The following UGGT1 variants were observed in gnomAD, a reference collection of about 807,000 sequenced individuals.
UGGT1 encodes the protein UDP-glucose:glycoprotein glucosyltransferase 1.
A neutral mutation model predicts 203.9 loss-of-function variants in UGGT1; 107 were observed. The observed-to-expected ratio is 0.52, with a 90% CI of 0.45 to 0.62. UGGT1 has a LOEUF of 0.62. UGGT1 is among the 20% of genes least tolerant of loss of function. UGGT1 has a pLI of 0.00. For synonymous variants in UGGT1, 628 were observed against 653.5 expected (o/e 0.96, Z 0.59); for missense variants, 1,673 against 1,867.2 (o/e 0.90, Z 1.92).
chr2:128,163,590 C>T (rs1374972010), intron 25 of UGGT1, among the ~76,000 whole-genome samples: 1 of 152,022 alleles, frequency 6.6e-6, no homozygotes, highest in African/African-American at 2.4e-5. Flanking sequence ...TGGCGGGCGC[C>T]TGTGATCCCA....
At chr2:128,093,313 G>A (rs1033179008) in intron 1 of UGGT1, among the ~76,000 whole-genome samples, 3 of 152,096 alleles carry the variant, frequency 2.0e-5, no homozygotes, top group African/African-American at 7.2e-5. Flanking sequence ...CACTCTTGGT[G>A]CCACACTCCT....
At chr2:128,174,899 A>G (rs1286409789) in intron 31 of UGGT1, 41 bp downstream of exon 31, 3 of 1,553,612 alleles carry the variant, frequency 1.9e-6, no homozygotes, top group Admixed American at 3.6e-5. Flanking sequence ...CAGAACTTTT[A>G]GAAATGAGCA....
chr2:128,097,664 T>C (rs2105333005), intron 2 of UGGT1, 100 bp downstream of exon 2: 2 of 1,444,328 alleles, frequency 1.4e-6, no homozygotes, highest in Non-Finnish European at 9.4e-7. Context: ...TATCATCAAA[T>C]GCATTTATGA....
chr2:128,189,567 CA>C, intron 40 of UGGT1, 149 bp from the exon 41 acceptor site: 2 of 835,466 alleles, frequency 2.4e-6, no homozygotes, highest in Non-Finnish European at 3.7e-6. Flanking sequence ...AAATACAGTA[CA>C]AAAGCACAAA....
rs763635535 is a variant in UGGT1, at chr2:128,164,605, C to T, written c.2826-125C>T. 19 of 736,948 alleles carry T rather than the reference C, an allele frequency of 2.6e-5. 1 individual carries two copies. The highest frequency in any genetic ancestry group is 9.6e-5 in the South Asian group (6 of 62,502). The allele number at this position is 736,948 out of a possible 1,614,324, so 45.7% of individuals were successfully genotyped here. On this transcript the variant is annotated intron_variant, in intron 25 of 40. Coordinates refer to ENST00000259253, the MANE Select transcript of UGGT1 (RefSeq NM_020120.4). ...TCACTCTTTCTCATGCCTATCAGTA[C>T]GGACTTTATACCTTGTTCAAACCAT... is the stretch of plus-strand genomic sequence containing the variant.
chr2:128,166,044 T>C (rs1325512317), intron 26 of UGGT1, among the ~76,000 whole-genome samples: 5 of 152,228 alleles, frequency 3.3e-5, no homozygotes, highest in African/African-American at 1.2e-4. Flanking sequence ...CGAAAACTTT[T>C]GTTTTAAATA....
chr2:128,143,876 A>G (rs1312412408), intron 17 of UGGT1, among the ~76,000 whole-genome samples: 3 of 152,072 alleles, frequency 2.0e-5, no homozygotes, highest in African/African-American at 2.4e-5. Context: ...AAAAAGTCCA[A>G]TGGAATGGAT....
intron 1 of UGGT1, among the ~76,000 whole-genome samples, chr2:128,095,335 G>A (rs1164676980): frequency 2.0e-5 from 3 of 150,782 alleles, no homozygotes; most frequent in Non-Finnish European, 2.9e-5. Context: ...ATTTATAAGT[G>A]GGATGTTCTT....
At chr2:128,185,459 C>T (rs1359853491) in intron 38 of UGGT1, among the ~76,000 whole-genome samples, 37 of 148,148 alleles carry the variant, frequency 2.5e-4, no homozygotes, top group Non-Finnish European at 4.0e-4. Context: ...TGTGAGCCAC[C>T]GTGCCCGGCC....
intron 8 of UGGT1, among the ~76,000 whole-genome samples, chr2:128,118,984 T>G (rs1405011588): frequency 1.3e-5 from 2 of 152,124 alleles, no homozygotes; most frequent in Non-Finnish European, 2.9e-5. Flanking sequence ...TTTTGGTATT[T>G]AAGAGTTTGT....
intron 2 of UGGT1, among the ~76,000 whole-genome samples, chr2:128,103,523 CAT>C (rs1687473522): frequency 6.6e-6 from 1 of 152,092 alleles, no homozygotes; most frequent in African/African-American, 2.4e-5. Flanking sequence ...TTAGGCAAAA[CAT>C]ATTTTTTGTT....
chr2:128,189,849 G>A lies in UGGT1; in HGVS notation c.*107G>A. 2 of 1,266,578 alleles carry A rather than the reference G, an allele frequency of 1.6e-6. No homozygotes were observed. The highest frequency in any genetic ancestry group is 1.1e-6 in the Non-Finnish European group (1 of 889,642). 78.5% of individuals were successfully genotyped at this position (1,266,578 alleles called of 1,614,324 possible). ...AACTGCTGATAAGCCGGCTGGGCAGGAGTGCCACACCTTTTGATTCTGAGC... is the reference window on the plus strand; with the variant it reads ...AACTGCTGATAAGCCGGCTGGGCAGAAGTGCCACACCTTTTGATTCTGAGC... On this transcript the variant is annotated 3_prime_UTR_variant, in exon 41 of 41. Transcript: ENST00000259253.
Position 128,091,346 on chromosome 2 carries a change from C to A in UGGT1, c.-12C>A. 1 of 1,555,770 alleles carries A rather than the reference C, an allele frequency of 6.4e-7. No homozygotes were observed. The highest frequency in any genetic ancestry group is 8.7e-7 in the Non-Finnish European group (1 of 1,150,106). On this transcript the variant is annotated 5_prime_UTR_variant, in exon 1 of 41. Coordinates refer to ENST00000259253, the MANE Select transcript of UGGT1 (RefSeq NM_020120.4). ...GTCTCTGGCACTGTGGCGGACTGAC[C>A]ACGGCCCGGGCATGGGCTGCAAGGG...
intron 22 of UGGT1, 138 bp downstream of exon 22, chr2:128,157,484 C>T: frequency 1.6e-6 from 1 of 613,050 alleles, no homozygotes; most frequent in East Asian, 2.7e-5. Context: ...AGAATTGTAT[C>T]TCTAGAGATC....
At chr2:128,108,696 C>A (rs187810815) in intron 4 of UGGT1, among the ~76,000 whole-genome samples, 61 of 151,946 alleles carry the variant, frequency 4.0e-4, no homozygotes, top group East Asian at 3.1e-3. Flanking sequence ...TAGTAATGGA[C>A]TATTATAATG....
chr2:128,098,569 A>G (rs1015696189), intron 2 of UGGT1, among the ~76,000 whole-genome samples: 10 of 152,198 alleles, frequency 6.6e-5, no homozygotes, highest in Non-Finnish European at 1.5e-4. Context: ...CAGCCTGGGC[A>G]ACATGGGGAA....
Position 128,190,654 on chromosome 2 carries a change from C to G in UGGT1, c.*912C>G, listed in dbSNP as rs1406048629. ...ATACAGCCATACTCAGCCCCTCTCG[C>G]ATCCAGCCCGTCAGGGTCAGGGTCA... On this transcript the variant is annotated 3_prime_UTR_variant, in exon 41 of 41. Coordinates refer to ENST00000259253, the MANE Select transcript of UGGT1 (RefSeq NM_020120.4). 6.6e-6 allele frequency: 1 copy of G among 152,306 alleles called. No homozygotes were observed. Among genetic ancestry groups the G allele is most frequent in the Non-Finnish European group, 1.5e-5 (1 of 68,102 alleles). 9.4% of individuals were successfully genotyped at this position (152,306 alleles called of 1,614,324 possible). A position where few individuals can be genotyped will look rare whatever the true frequency, so the allele number is the denominator to read the frequency against.
At chr2:128,105,570 A>G (rs1387969395) in intron 3 of UGGT1, among the ~76,000 whole-genome samples, 5 of 151,880 alleles carry the variant, frequency 3.3e-5, no homozygotes, top group Non-Finnish European at 7.4e-5. Context: ...GCTGGAGTGC[A>G]GTGGCGCGAT....
At chr2:128,164,876 T>C (rs932181437) in intron 26 of UGGT1, 51 bp downstream of exon 26, 7 of 1,392,040 alleles carry the variant, frequency 5.0e-6, no homozygotes, top group Middle Eastern at 1.8e-4. Context: ...TAAACTCTTA[T>C]GTTTGCTTTA....
Sources: gnomAD v4.1 joint callset for allele counts (sites outside exome capture counted in the v4.1 genomes callset) on GRCh38, gnomAD v4.1.1 for gene constraint, MANE v1.5 for transcripts, NCBI Gene and HGNC (gene_info 2026-07-23, HGNC 2026-07-21) for gene names.